The following SHISAL1 variants were observed in gnomAD, a reference collection of about 807,000 sequenced individuals.
The protein encoded by SHISAL1 is protein shisa-like-1.
Under a neutral mutation model 22.6 loss-of-function variants are expected in SHISAL1, and 9 were observed. The observed-to-expected ratio is 0.40, with a 90% CI of 0.24 to 0.70. The LOEUF is 0.70. Among genes scored for constraint, SHISAL1 ranks in the 30% least tolerant of loss-of-function variants. SHISAL1 has a pLI of 0.39. For synonymous variants in SHISAL1, 119 were observed against 115.4 expected (o/e 1.03, Z -0.20); for missense variants, 246 against 270.6 (o/e 0.91, Z 0.64).
chr22:44,319,735 G>A, the SHISAL1 span, among the ~76,000 whole-genome samples: 5 of 152,186 alleles, frequency 3.3e-5, no homozygotes, highest in Non-Finnish European at 7.3e-5. Flanking sequence ...CCACCACTCC[G>A]GTCTGGCCTC....
the SHISAL1 span, among the ~76,000 whole-genome samples, chr22:44,327,129 T>TG: frequency 1.3e-5 from 2 of 152,114 alleles, no homozygotes; most frequent in Non-Finnish European, 2.9e-5. Flanking sequence ...CAGCAGTTCC[T>TG]GGGGCCTCTC....
chr22:44,270,347 G>A (rs2055197961), intron 4 of SHISAL1, among the ~76,000 whole-genome samples: 1 of 152,192 alleles, frequency 6.6e-6, no homozygotes, highest in African/African-American at 2.4e-5. Context: ...TTGATCAGGG[G>A]ACACATCTGG....
Position 44,267,473 on chromosome 22 carries a change from C to A in SHISAL1, c.*-17788G>T, listed in dbSNP as rs544613723. 9.9e-5 allele frequency among the ~76,000 whole-genome samples: 15 copies of A among 152,230 alleles called. No homozygotes were observed. The South Asian group carries it at 3.1e-3, about 32-fold the overall frequency. On this transcript the variant is annotated intron_variant, in intron 4 of 4. Coordinates refer to ENST00000381176, the MANE Select transcript of SHISAL1 (RefSeq NM_001099294.2). ...CCACTCCCTGGTGCCGGCCCCTCCC[C>A]ACCACCACCCTCAGCCAAGCCACAG...
chr22:44,268,179 T>C (rs1235097658), intron 4 of SHISAL1, among the ~76,000 whole-genome samples: 1 of 152,196 alleles, frequency 6.6e-6, no homozygotes, highest in Non-Finnish European at 1.5e-5. Context: ...CTTTGGTAAA[T>C]ATTTGATGCC....
intron 1 of SHISAL1, among the ~76,000 whole-genome samples, chr22:44,307,405 C>T (rs1249941930): frequency 6.6e-6 from 1 of 152,188 alleles, no homozygotes; most frequent in Admixed American, 6.5e-5. Flanking sequence ...CACACAGCCA[C>T]TCAGCAGCAA....
chr22:44,265,424 C>T (rs2055155283), intron 4 of SHISAL1, among the ~76,000 whole-genome samples: 1 of 152,168 alleles, frequency 6.6e-6, no homozygotes, highest in African/African-American at 2.4e-5. Flanking sequence ...CAGCCAACAC[C>T]TGAACCCGCT....
At chr22:44,272,242 G>A (rs528152714) in intron 4 of SHISAL1, among the ~76,000 whole-genome samples, 1 of 152,326 alleles carries the variant, frequency 6.6e-6, no homozygotes, top group South Asian at 2.1e-4. Context: ...CCAGATAGCT[G>A]TGCTAGGTCT....
chr22:44,288,913 T>C (rs1050750293), intron 3 of SHISAL1, among the ~76,000 whole-genome samples: 3 of 152,290 alleles, frequency 2.0e-5, no homozygotes, highest in South Asian at 2.1e-4. Flanking sequence ...CCCCTGGAGA[T>C]TGGGAGGGCC....
chr22:44,245,192 C>A lies in SHISAL1; in HGVS notation c.*4493G>T, dbSNP rs564488079. 3.7e-4 allele frequency: 57 copies of A among 152,370 alleles called. No individual in the cohort carries two copies. Among genetic ancestry groups the A allele is most frequent in the African/African-American group, 1.3e-3 (54 of 41,582 alleles). 9.4% of individuals were successfully genotyped at this position (152,370 alleles called of 1,614,324 possible). A position where few individuals can be genotyped will look rare whatever the true frequency, so the allele number is the denominator to read the frequency against. ...CTGCAGTTTGCTTCCATGATTCCAA[C>A]CCTAGATTTTCACAGCAGACGAAAA... On this transcript the variant is annotated 3_prime_UTR_variant, in exon 5 of 5. Transcript: ENST00000381176.
chr22:44,278,820 G>A (rs1442334700), intron 4 of SHISAL1, among the ~76,000 whole-genome samples: 1 of 152,140 alleles, frequency 6.6e-6, no homozygotes, highest in East Asian at 1.9e-4. Flanking sequence ...AGCAGCATAG[G>A]CTTCGGCTTG....
chr22:44,266,218 CAG>C (rs2055159998), intron 4 of SHISAL1, among the ~76,000 whole-genome samples: 1 of 152,180 alleles, frequency 6.6e-6, no homozygotes, highest in African/African-American at 2.4e-5. Flanking sequence ...GCTTGGCACA[CAG>C]AAAGCACTCA....
intron 3 of SHISAL1, among the ~76,000 whole-genome samples, chr22:44,293,434 C>T (rs1410399752): frequency 6.6e-6 from 1 of 152,118 alleles, no homozygotes; most frequent in Non-Finnish European, 1.5e-5. Flanking sequence ...GGAGGTGCAC[C>T]GGGTCAGTGG....
chr22:44,300,110 CAGAG>C (rs1313125508), intron 2 of SHISAL1, among the ~76,000 whole-genome samples: 3 of 141,582 alleles, frequency 2.1e-5, no homozygotes, highest in East Asian at 4.1e-4. Context: ...GAGAGACAGA[CAGAG>C]AGACAGAGAC....
At chr22:44,251,951 C>A (rs2055050595) in intron 4 of SHISAL1, among the ~76,000 whole-genome samples, 1 of 152,020 alleles carries the variant, frequency 6.6e-6, no homozygotes, top group African/African-American at 2.4e-5. Context: ...CGCACTTTAC[C>A]ACAATTCATA....
At chr22:44,278,648 G>C (rs2055256290) in intron 4 of SHISAL1, among the ~76,000 whole-genome samples, 1 of 152,170 alleles carries the variant, frequency 6.6e-6, no homozygotes, top group Non-Finnish European at 1.5e-5. Context: ...ACCTTTGGGG[G>C]TACAGAGAGG....
intron 4 of SHISAL1, among the ~76,000 whole-genome samples, chr22:44,264,297 G>C (rs2055146580): frequency 6.6e-6 from 1 of 152,210 alleles, no homozygotes; most frequent in African/African-American, 2.4e-5. Flanking sequence ...ATGCTGCCCA[G>C]GGAGGAGCTG....
the SHISAL1 span, among the ~76,000 whole-genome samples, chr22:44,321,585 G>A: frequency 3.3e-5 from 5 of 152,208 alleles, no homozygotes; most frequent in Non-Finnish European, 5.9e-5. Context: ...ACGAGTCCCT[G>A]CAGACTGTGA....
At position 44,272,563 on chromosome 22, in the gene SHISAL1, G is replaced by T. The variant is rs117634830; in HGVS notation, c.599+12865C>A. On this transcript the variant is annotated intron_variant, in intron 4 of 4. Transcript: ENST00000381176. The stretch of plus-strand genomic sequence containing the variant: ...CACGGATTGTTCCAGAGACAGAAAG[G>T]GACAGGGCTGGAGGCTTTGAAAGAG... Among the ~76,000 whole-genome samples the T allele has an allele frequency of 6.6e-5, 10 of 152,330 alleles. No homozygotes were observed. In the East Asian group the frequency reaches 1.9e-3, roughly 29 times the overall value.
chr22:44,287,503 A>G (rs2055324506), intron 3 of SHISAL1, among the ~76,000 whole-genome samples: 1 of 152,162 alleles, frequency 6.6e-6, no homozygotes, highest in Non-Finnish European at 1.5e-5. Flanking sequence ...TTGTAGCTGT[A>G]ATCCCACAGC....
Sources: gnomAD v4.1 joint callset for allele counts (sites outside exome capture counted in the v4.1 genomes callset) on GRCh38, gnomAD v4.1.1 for gene constraint, MANE v1.5 for transcripts, NCBI Gene and HGNC (gene_info 2026-07-23, HGNC 2026-07-21) for gene names.